Variants in EHF observed in about 807,000 individuals in gnomAD.
The protein encoded by EHF is ESE3 transcription factor.
EHF carries 14 observed loss-of-function variants against 45.1 expected under a neutral mutation model. That is an observed-to-expected ratio of 0.31 (90% CI 0.21 to 0.49). The LOEUF (loss-of-function observed/expected upper bound fraction) is 0.49, where lower values mean the gene tolerates loss of function less well. Among genes scored for constraint, EHF ranks in the 20% least tolerant of loss-of-function variants. EHF has a pLI of 0.99. For missense variants in EHF, 282 were observed against 371.4 expected (o/e 0.76, Z 1.98); for synonymous variants, 136 against 131.8 (o/e 1.03, Z -0.22).
chr11:34,650,453 C>T (rs754497351), intron 4 of EHF, among the ~76,000 whole-genome samples: 19 of 152,138 alleles, frequency 1.2e-4, no homozygotes, highest in Non-Finnish European at 2.5e-4. Context: ...GCTAAAATAC[C>T]GGCTAAATCC....
intron 1 of EHF, among the ~76,000 whole-genome samples, chr11:34,622,988 G>A (rs1852083998): frequency 6.6e-6 from 1 of 152,216 alleles, no homozygotes; most frequent in Non-Finnish European, 1.5e-5. Context: ...TGGGTAGGGT[G>A]ACGTGTTTGA....
At chr11:34,635,630 T>C (rs188656337) in intron 1 of EHF, among the ~76,000 whole-genome samples, 2 of 151,694 alleles carry the variant, frequency 1.3e-5, no homozygotes, top group East Asian at 3.9e-4. Context: ...GCTAAGGGAC[T>C]CAGAGGAAAG....
intron 2 of EHF, 32 bp downstream of exon 2, chr11:34,642,759 C>T (rs746638583): frequency 6.1e-5 from 92 of 1,501,042 alleles, no homozygotes; most frequent in Middle Eastern, 1.7e-4. Flanking sequence ...GGTGTCACTG[C>T]TGTGCTGTGT....
intron 1 of EHF, among the ~76,000 whole-genome samples, chr11:34,632,275 C>G (rs530730293): frequency 1.3e-5 from 2 of 152,180 alleles, no homozygotes; most frequent in Non-Finnish European, 2.9e-5. Context: ...AAAAATAACT[C>G]TGCTGCCAAC....
rs748090248 is a variant in EHF at position 34,656,931 on chromosome 11, G to C, written c.568G>C (p.Glu190Gln). Reference sequence around the variant, plus strand: ...AGCAGAGTCACCTGATATGAAAAAGGAGCAAGACCCCCCTGCCAAGTGCCA... The same window carrying C: ...AGCAGAGTCACCTGATATGAAAAAGCAGCAAGACCCCCCTGCCAAGTGCCA... ...PVAESPDMKK[E>Q]QDPPAKCHTK... The change falls in exon 7 of 9, where the codon GAG (glutamate) becomes CAG (glutamine). Residue 190 changes from glutamate to glutamine, a missense_variant. Around this residue, in one of 3 missense-constraint regions of EHF, gnomAD observed 213 missense variants for 247.3 expected, o/e 0.86. Transcript: ENST00000257831. 1 of 1,613,626 alleles carries C rather than the reference G, an allele frequency of 6.2e-7. No homozygotes were observed. Among genetic ancestry groups the C allele is most frequent in the East Asian group, 2.2e-5 (1 of 44,792 alleles).
intron 1 of EHF, among the ~76,000 whole-genome samples, chr11:34,631,969 G>A (rs1351334009): frequency 6.6e-6 from 1 of 152,144 alleles, no homozygotes; most frequent in African/African-American, 2.4e-5. Flanking sequence ...GGACACCCCT[G>A]AGTGCCCTCA....
intron 6 of EHF, among the ~76,000 whole-genome samples, chr11:34,653,687 A>C (rs1035371447): frequency 1.3e-5 from 2 of 152,200 alleles, no homozygotes; most frequent in African/African-American, 4.8e-5. Flanking sequence ...TTACAGCCTT[A>C]TATGGGTCAG....
At chr11:34,621,779 C>T (rs1287846015) in intron 1 of EHF, among the ~76,000 whole-genome samples, 3 of 152,182 alleles carry the variant, frequency 2.0e-5, no homozygotes, top group Non-Finnish European at 4.4e-5. Context: ...AAAAAGTGGC[C>T]AGGCAGCCAA....
intron 2 of EHF, among the ~76,000 whole-genome samples, chr11:34,644,486 GT>G (rs1346204458): frequency 6.6e-6 from 1 of 152,186 alleles, no homozygotes; most frequent in East Asian, 1.9e-4. Context: ...TAGAGCCCAC[GT>G]TGTGGGCCAG....
chr11:34,648,134 C>T (rs1854761874), intron 3 of EHF, among the ~76,000 whole-genome samples: 1 of 152,018 alleles, frequency 6.6e-6, no homozygotes, highest in Admixed American at 6.6e-5. Flanking sequence ...TTTGTGTAGA[C>T]CTTCTATCAA....
At position 34,625,767 on chromosome 11, in the gene EHF, C is replaced by T. The variant is rs371011797; in HGVS notation, c.-4+4539C>T. ...CGCATTCTGTCTTTGGTTTGTTTTA[C>T]GGGGCCGGGCCCCTTGTTCTGGTCA... On this transcript the variant is annotated intron_variant, in intron 1 of 8. Coordinates refer to ENST00000257831, the MANE Select transcript of EHF (RefSeq NM_012153.6). 1.4e-4 allele frequency among the ~76,000 whole-genome samples: 22 copies of T among 152,336 alleles called. No homozygotes were observed. In the East Asian group the frequency reaches 3.1e-3, roughly 21 times the overall value.
chr11:34,646,644 G>A lies in EHF; in HGVS notation c.303G>A (p.Gly101=), dbSNP rs201902620. Residue 101 remains glycine (G), a synonymous_variant, in exon 3 of 9, where the codon GGG becomes GGA. Transcript: ENST00000257831. Reference sequence around the variant, plus strand: ...TCACCCGGGCGGCAGGGACGGCGGGGCAGCTCCTCTACAGCAACTTGCAGC... The same window carrying A: ...TCACCCGGGCGGCAGGGACGGCGGGACAGCTCCTCTACAGCAACTTGCAGC... ...QEFTRAAGTA[G]QLLYSNLQHL... 4.5e-5 allele frequency: 73 copies of A among 1,613,070 alleles called. No individual in the cohort carries two copies. The highest frequency in any genetic ancestry group is 1.0e-5 in the Non-Finnish European group (12 of 1,179,978).
intron 4 of EHF, 107 bp from the exon 5 acceptor site, chr11:34,651,435 A>T: frequency 1.2e-6 from 1 of 851,500 alleles, no homozygotes; most frequent in Admixed American, 1.9e-5. Flanking sequence ...TCTGAGGACC[A>T]CTCCTCACCC....
chr11:34,642,313 C>A (rs1372194223), intron 1 of EHF: 5 of 175,646 alleles, frequency 2.8e-5, no homozygotes, highest in South Asian at 1.7e-4. Flanking sequence ...AAAAAAAAAA[C>A]TGCTTGGATG....
chr11:34,651,412 C>T, intron 4 of EHF, 130 bp from the exon 5 acceptor site: 1 of 714,216 alleles, frequency 1.4e-6, no homozygotes, highest in South Asian at 1.7e-5. Context: ...GAAGCAGAAT[C>T]ATATCCCTTG....
intron 6 of EHF, among the ~76,000 whole-genome samples, chr11:34,656,494 T>A (rs1855686317): frequency 1.3e-5 from 2 of 152,136 alleles, no homozygotes; most frequent in Admixed American, 1.3e-4. Context: ...GGATTAATGA[T>A]CAGAACCTCA....
intron 1 of EHF, chr11:34,632,780 G>C: frequency 8.9e-7 from 1 of 1,127,564 alleles, no homozygotes; most frequent in Non-Finnish European, 1.3e-6. Context: ...TTTGGAAGCC[G>C]TGTCCTTGTG....
chr11:34,641,185 A>G (rs1272892630), intron 1 of EHF, among the ~76,000 whole-genome samples: 1 of 151,838 alleles, frequency 6.6e-6, no homozygotes, highest in African/African-American at 2.4e-5. Context: ...TTCCTTCTCC[A>G]CCTTCTACTT....
intron 2 of EHF, among the ~76,000 whole-genome samples, chr11:34,646,015 T>G (rs1444866865): frequency 6.9e-6 from 1 of 144,556 alleles, no homozygotes; most frequent in Non-Finnish European, 1.5e-5. Context: ...TTGAAAATGG[T>G]CTGAGTTTGG....
Sources: allele counts gnomAD v4.1 joint callset (sites outside exome capture counted in the v4.1 genomes callset), GRCh38; gene constraint gnomAD v4.1.1; regional missense constraint gnomAD v4.1.1; transcripts MANE v1.5; gene names NCBI Gene and HGNC (gene_info 2026-07-23, HGNC 2026-07-21).